EHMT1: variants seen among roughly 807,000 people sequenced by gnomAD.
EHMT1 encodes euchromatic histone lysine methyltransferase 1, also known as histone-lysine N-methyltransferase EHMT1.
Under a neutral mutation model 147.2 loss-of-function variants are expected in EHMT1, and 15 were observed. The observed-to-expected ratio is 0.10, with a 90% CI of 0.07 to 0.16. EHMT1 has a LOEUF of 0.16. Among genes scored for constraint, EHMT1 ranks in the 10% least tolerant of loss-of-function variants. The probability of loss-of-function intolerance (pLI) is 1.00; values close to 1 mark genes in which losing one functional copy is unlikely to be tolerated. For synonymous variants in EHMT1, 795 were observed against 709.6 expected (o/e 1.12, Z -1.91); for missense variants, 1,587 against 1,772.4 (o/e 0.90, Z 1.88).
chr9:137,799,484 G>T (rs1052025380), intron 17 of EHMT1, among the ~76,000 whole-genome samples: 1 of 152,226 alleles, frequency 6.6e-6, no homozygotes, highest in African/African-American at 2.4e-5. Context: ...ACACACAGGG[G>T]CCACCTGCCT....
chr9:137,679,435 C>T (rs918890475), intron 1 of EHMT1, among the ~76,000 whole-genome samples: 1 of 152,062 alleles, frequency 6.6e-6, no homozygotes, highest in East Asian at 1.9e-4. Flanking sequence ...TCTTGACATG[C>T]GGTTGCATTC....
chr9:137,633,251 A>G (rs951836156), intron 1 of EHMT1, among the ~76,000 whole-genome samples: 2 of 152,262 alleles, frequency 1.3e-5, no homozygotes, highest in African/African-American at 2.4e-5. Flanking sequence ...AGACTCATGC[A>G]CCAAGAAGCA....
At chr9:137,721,277 C>CA (rs1945967460) in intron 3 of EHMT1, among the ~76,000 whole-genome samples, 1 of 145,108 alleles carries the variant, frequency 6.9e-6, no homozygotes, top group Non-Finnish European at 1.5e-5. Context: ...ACACTCACCC[C>CA]TCCCAGACTT....
chr9:137,633,387 T>G (rs1305851984), intron 1 of EHMT1, among the ~76,000 whole-genome samples: 1 of 152,094 alleles, frequency 6.6e-6, no homozygotes, highest in African/African-American at 2.4e-5. Context: ...AACATTTTGC[T>G]TAATTGGGGT....
chr9:137,834,393 C>T lies in EHMT1; in HGVS notation c.3585C>T (p.Val1195=), dbSNP rs748241148. 2 of 1,613,182 alleles carry T rather than the reference C, an allele frequency of 1.2e-6. No homozygotes were observed. The highest frequency in any genetic ancestry group is 1.7e-6 in the Non-Finnish European group (2 of 1,179,818). Residue 1195 remains valine (V), a synonymous_variant, in exon 26 of 27, where the codon GTC becomes GTT. Coordinates refer to ENST00000460843, the MANE Select transcript of EHMT1 (RefSeq NM_024757.5). ...YCIDARFYGN[V]SRFINHHCEP... ...TCGACGCGCGGTTCTACGGGAACGTCAGCCGGTTCATCAACCACCACTGCG... is the reference window on the plus strand; with the variant it reads ...TCGACGCGCGGTTCTACGGGAACGTTAGCCGGTTCATCAACCACCACTGCG...
chr9:137,669,359 TCCCA>T (rs1564562539), intron 1 of EHMT1, among the ~76,000 whole-genome samples: 16 of 4,118 alleles, frequency 3.9e-3, no homozygotes, highest in East Asian at 0.011. Flanking sequence ...CCCAAGACGC[TCCCA>T]CAGCACGTGC....
chr9:137,771,477 G>A lies in EHMT1; in HGVS notation c.1648-3632G>A, dbSNP rs151149309. Among the ~76,000 whole-genome samples, 37 of 152,220 alleles carry A rather than the reference G, an allele frequency of 2.4e-4. No homozygotes were observed. The East Asian group carries it at 6.8e-3, about 28-fold the overall frequency. On this transcript the variant is annotated intron_variant, in intron 10 of 26. Transcript: ENST00000460843. ...CGGGTTTACAGCCGTGAGCCATTGC[G>A]CCCTGCTATCTCCCATGTCTTTGAG...
intron 1 of EHMT1, among the ~76,000 whole-genome samples, chr9:137,694,674 A>G (rs1040869638): frequency 2.0e-5 from 3 of 152,198 alleles, no homozygotes; most frequent in Non-Finnish European, 4.4e-5. Context: ...GCTCTGAGCC[A>G]TGTGCCAGTC....
chr9:137,671,526 T>C (rs565734421), intron 1 of EHMT1, among the ~76,000 whole-genome samples: 14 of 147,608 alleles, frequency 9.5e-5, no homozygotes, highest in African/African-American at 9.9e-5. Flanking sequence ...CTTTCTTTTT[T>C]TTTTTTTTTT....
Position 137,669,276 on chromosome 9 carries a change from G to T in EHMT1, c.22-41691G>T, listed in dbSNP as rs1218866922. 4.0e-5 allele frequency among the ~76,000 whole-genome samples: 5 copies of T among 125,218 alleles called. No homozygotes were observed. In the Admixed American group the frequency reaches 4.4e-4, roughly 11 times the overall value. The allele number at this position is 125,218 out of a possible 152,430, so 82.1% of individuals were successfully genotyped here. On this transcript the variant is annotated intron_variant, in intron 1 of 26. Transcript: ENST00000460843. ...GCCCAGTGCTTACTGCTTGCTGGGT[G>T]CTGGTCTCCTGCTTAAAGAGCAGAC...
At chr9:137,811,888 C>G (rs942963139) in intron 19 of EHMT1, among the ~76,000 whole-genome samples, 3 of 152,234 alleles carry the variant, frequency 2.0e-5, no homozygotes, top group Non-Finnish European at 4.4e-5. Context: ...CCTCACATGG[C>G]TGAGGGGCAG....
At chr9:137,790,703 A>C (rs954850478) in intron 15 of EHMT1, 145 bp from the exon 16 acceptor site, 4 of 1,069,822 alleles carry the variant, frequency 3.7e-6, no homozygotes, top group Non-Finnish European at 5.7e-6. Flanking sequence ...ATGTCTTTGA[A>C]TACGTGTTTA....
chr9:137,831,059 C>A (rs972596511), intron 25 of EHMT1, among the ~76,000 whole-genome samples: 1 of 152,248 alleles, frequency 6.6e-6, no homozygotes, highest in Middle Eastern at 3.4e-3. Context: ...TGTGTCCCCA[C>A]GTGGTGGAGG....
rs796375530 is a variant in EHMT1, at chr9:137,732,530, G to A, written c.823+4001G>A. On this transcript the variant is annotated intron_variant, in intron 4 of 26. Coordinates refer to ENST00000460843, the MANE Select transcript of EHMT1 (RefSeq NM_024757.5). This position sits in a 1 kb window ranked among gnomAD's most constrained non-coding sequence, Gnocchi z 4.6. ...AGTCCTGTTGTGTGGCTGAGTCTGG[G>A]GGTTTATGTGGGCTCAGAATGGAGG... Among the ~76,000 whole-genome samples the A allele has an allele frequency of 7.2e-5, 11 of 152,286 alleles. No homozygotes were observed. Among genetic ancestry groups the A allele is most frequent in the African/African-American group, 2.2e-4 (9 of 41,566 alleles).
chr9:137,784,236 C>G (rs1028180926), intron 15 of EHMT1: 3 of 1,537,222 alleles, frequency 2.0e-6, no homozygotes, highest in Non-Finnish European at 2.6e-6. Flanking sequence ...TTGCTGTGGA[C>G]CAGGCCGCCC....
chr9:137,659,443 C>T (rs755934021), intron 1 of EHMT1, among the ~76,000 whole-genome samples: 45 of 151,958 alleles, frequency 3.0e-4, no homozygotes, highest in Non-Finnish European at 6.0e-4. Flanking sequence ...CAGGGTCTTG[C>T]TATGTTCCCC....
intron 1 of EHMT1, among the ~76,000 whole-genome samples, chr9:137,633,004 G>A (rs1433605982): frequency 1.3e-5 from 2 of 152,230 alleles, no homozygotes; most frequent in Non-Finnish European, 2.9e-5. Flanking sequence ...ACGGATGGCA[G>A]TGGAGGCAGC....
chr9:137,638,331 C>CGG (rs1278225970), intron 1 of EHMT1: 1 of 151,832 alleles, frequency 6.6e-6, no homozygotes, highest in African/African-American at 2.4e-5. Context: ...GCTGGTCTCG[C>CGG]GCTCCTGACC....
chr9:137,788,373 G>A (rs1331654369), intron 15 of EHMT1: 9 of 328,564 alleles, frequency 2.7e-5, no homozygotes, highest in East Asian at 5.1e-5. Context: ...TTCTGCCAGC[G>A]CCTCAGCCGG....
Sources: allele counts gnomAD v4.1 joint callset (sites outside exome capture counted in the v4.1 genomes callset), GRCh38; gene constraint gnomAD v4.1.1; non-coding constraint Gnocchi (gnomAD v3.1); transcripts MANE v1.5; gene names NCBI Gene and HGNC (gene_info 2026-07-23, HGNC 2026-07-21).